Variants in AVL9 observed in about 807,000 individuals in gnomAD.
AVL9 encodes late secretory pathway protein AVL9 homolog.
A neutral mutation model predicts 79.2 loss-of-function variants in AVL9; 49 were observed. The observed-to-expected ratio is 0.62, with a 90% CI of 0.49 to 0.79. The LOEUF is 0.79. Among genes scored for constraint, AVL9 ranks in the 30% least tolerant of loss-of-function variants. The pLI is 0.00. For missense variants in AVL9, 682 were observed against 776.8 expected, an observed-to-expected ratio of 0.88 and a Z score of 1.45; for synonymous variants, 299 against 280.6, an observed-to-expected ratio of 1.07 and a Z score of -0.65.
chr7:32,497,696 C>T (rs2128108827), intron 1 of AVL9, among the ~76,000 whole-genome samples: 1 of 151,294 alleles, frequency 6.6e-6, no homozygotes, highest in South Asian at 2.1e-4. Context: ...CACTCTCTCA[C>T]CCAGGCTGGA....
chr7:32,546,290 C>T (rs2128135638), intron 3 of AVL9, among the ~76,000 whole-genome samples: 1 of 152,104 alleles, frequency 6.6e-6, no homozygotes, highest in African/African-American at 2.4e-5. Flanking sequence ...GACTCATAGA[C>T]TGTGTGTCTC....
chr7:32,521,163 A>G (rs1788130848), intron 1 of AVL9, among the ~76,000 whole-genome samples: 1 of 152,190 alleles, frequency 6.6e-6, no homozygotes, highest in Non-Finnish European at 1.5e-5. Flanking sequence ...AGACTAATAC[A>G]GTAAACTGGT....
At chr7:32,549,502 C>G (rs1371905660) in intron 4 of AVL9, among the ~76,000 whole-genome samples, 1 of 151,880 alleles carries the variant, frequency 6.6e-6, no homozygotes, top group Non-Finnish European at 1.5e-5. Context: ...GCTGGGATTG[C>G]AGGAGTGAGC....
At chr7:32,538,595 C>T (rs1476308901) in intron 1 of AVL9, 6 of 152,032 alleles carry the variant, frequency 3.9e-5, no homozygotes, top group East Asian at 1.9e-4. Flanking sequence ...CAGGAGTATT[C>T]GCTTATCTTC....
chr7:32,501,966 G>A (rs571436321), intron 1 of AVL9, among the ~76,000 whole-genome samples: 1 of 152,076 alleles, frequency 6.6e-6, no homozygotes, highest in East Asian at 1.9e-4. Flanking sequence ...TAAGAACTCA[G>A]GTTCTCCCTA....
chr7:32,578,828 C>T (rs895948291), intron 13 of AVL9, among the ~76,000 whole-genome samples: 4 of 152,002 alleles, frequency 2.6e-5, no homozygotes, highest in South Asian at 2.1e-4. Flanking sequence ...GAATGCTAGA[C>T]GTCTGTTGTT....
intron 1 of AVL9, among the ~76,000 whole-genome samples, chr7:32,520,604 C>G (rs542735516): frequency 6.6e-6 from 1 of 152,164 alleles, no homozygotes; most frequent in Admixed American, 6.5e-5. Context: ...GCAGTTGATA[C>G]GCTTCTTATG....
chr7:32,534,348 AT>A (rs1227542306), intron 1 of AVL9: 1 of 151,650 alleles, frequency 6.6e-6, no homozygotes, highest in African/African-American at 2.4e-5. Context: ...TATTTGATAC[AT>A]TTTTTATGCA....
intron 1 of AVL9, among the ~76,000 whole-genome samples, chr7:32,526,674 G>A (rs1263442806): frequency 6.6e-6 from 1 of 152,054 alleles, no homozygotes; most frequent in Non-Finnish European, 1.5e-5. Context: ...GAGGCATCCT[G>A]TTTCTATCTG....
intron 1 of AVL9, among the ~76,000 whole-genome samples, chr7:32,500,449 ATTTG>A (rs2128110441): frequency 6.6e-6 from 1 of 152,096 alleles, no homozygotes; most frequent in East Asian, 1.9e-4. Context: ...TTTCTTATAA[ATTTG>A]TTTAAGTTCC....
chr7:32,544,358 A>G (rs922391970), intron 2 of AVL9, among the ~76,000 whole-genome samples: 1 of 152,156 alleles, frequency 6.6e-6, no homozygotes, highest in Non-Finnish European at 1.5e-5. Context: ...TCTTGTATTC[A>G]TTCAAGGTTC....
Position 32,495,664 on chromosome 7 carries a change from T to A in AVL9, c.-46T>A. 1.6e-6 allele frequency: 2 copies of A among 1,220,478 alleles called. No individual in the cohort carries two copies. Among genetic ancestry groups the A allele is most frequent in the Non-Finnish European group, 2.1e-6 (2 of 960,242 alleles). 75.6% of individuals were successfully genotyped at this position (1,220,478 alleles called of 1,614,324 possible). On this transcript the variant is annotated 5_prime_UTR_variant, in exon 1 of 16. Transcript: ENST00000318709. The stretch of plus-strand genomic sequence containing the variant: ...CACACGGTGGGGTCGTCAGACCCGC[T>A]GCCCTTGGCGGTCGAAGTCGTCGTG...
intron 3 of AVL9, 110 bp downstream of exon 3, chr7:32,544,889 G>T: frequency 1.3e-6 from 1 of 741,826 alleles, no homozygotes; most frequent in Middle Eastern, 3.1e-4. Flanking sequence ...TTAGATTTTT[G>T]TATACAATTT....
intron 14 of AVL9, 91 bp from the exon 15 acceptor site, chr7:32,580,711 T>G: frequency 5.4e-6 from 4 of 735,436 alleles, no homozygotes; most frequent in Non-Finnish European, 6.8e-6. Context: ...ACAGAGTGAC[T>G]ATTGTGTGTG....
intron 1 of AVL9, among the ~76,000 whole-genome samples, chr7:32,513,303 G>A (rs1484707591): frequency 6.6e-6 from 1 of 152,186 alleles, no homozygotes; most frequent in African/African-American, 2.4e-5. Context: ...TTTAGGCCTT[G>A]AAGCCAGGTG....
intron 1 of AVL9, among the ~76,000 whole-genome samples, chr7:32,507,133 G>C (rs1336508807): frequency 6.6e-6 from 1 of 152,144 alleles, no homozygotes; most frequent in African/African-American, 2.4e-5. Flanking sequence ...GGGAAGGGAA[G>C]GTAGAAGGGG....
chr7:32,565,683 G>A (rs964767075), intron 10 of AVL9, among the ~76,000 whole-genome samples: 3 of 151,944 alleles, frequency 2.0e-5, no homozygotes, highest in African/African-American at 7.3e-5. Context: ...GAGCAACATA[G>A]TGAGACCTCA....
rs370156412 is a variant in AVL9, at chr7:32,579,525, T to A, written c.1689-694T>A. On this transcript the variant is annotated intron_variant, in intron 13 of 15. Transcript: ENST00000318709. ...ATATATTATATATTATATTATATAT[T>A]ATATATTATATTATATATTATATAT... is the stretch of plus-strand genomic sequence containing the variant. Among the ~76,000 whole-genome samples the A allele has an allele frequency of 3.8e-3, 11 of 2,874 alleles. 2 individuals are homozygous for A. In the South Asian group the frequency reaches 0.065, roughly 17 times the overall value. 1.9% of individuals were successfully genotyped at this position (2,874 alleles called of 152,430 possible). A position where few individuals can be genotyped will look rare whatever the true frequency, so the allele number is the denominator to read the frequency against.
At chr7:32,573,844 T>C (rs528594490) in intron 12 of AVL9, among the ~76,000 whole-genome samples, 2 of 152,158 alleles carry the variant, frequency 1.3e-5, no homozygotes, top group Admixed American at 6.5e-5. Context: ...ATATAAAAAA[T>C]AGAAATCATT....
Sources: gnomAD v4.1 joint callset for allele counts (sites outside exome capture counted in the v4.1 genomes callset) on GRCh38, gnomAD v4.1.1 for gene constraint, MANE v1.5 for transcripts, NCBI Gene and HGNC (gene_info 2026-07-23, HGNC 2026-07-21) for gene names.